The following LRCH2 variants were observed in gnomAD, a reference collection of about 807,000 sequenced individuals.
LRCH2 encodes leucine rich repeats and calponin homology domain containing 2.
LRCH2 carries 38 observed loss-of-function variants against 68.9 expected under a neutral mutation model. The observed-to-expected ratio is 0.55, with a 90% confidence interval of 0.43 to 0.72. The LOEUF is 0.72. LRCH2 is among the 30% of genes least tolerant of loss of function. The pLI, the probability that LRCH2 is intolerant of heterozygous loss-of-function variation, is 0.00. For synonymous variants in LRCH2, 191 were observed against 208.1 expected (o/e 0.92, Z 0.71); for missense variants, 528 against 572.9 (o/e 0.92, Z 0.80).
chrX:115,228,199 G>C (rs887620159), intron 1 of LRCH2, among the ~76,000 whole-genome samples: 4 of 111,453 alleles, frequency 3.6e-5, no homozygotes, highest in African/African-American at 1.3e-4. Flanking sequence ...GGCTTATACA[G>C]TTTTCTTTAA....
chrX:115,214,594 T>C (rs1325928859), intron 1 of LRCH2, among the ~76,000 whole-genome samples: 7 of 111,726 alleles, frequency 6.3e-5, no homozygotes, highest in African/African-American at 2.3e-4. Context: ...CTTGTAGACA[T>C]TGGAAAAAAT....
intron 14 of LRCH2, among the ~76,000 whole-genome samples, chrX:115,137,084 T>C (rs1391870729): frequency 1.1e-4 from 12 of 111,356 alleles, no homozygotes; most frequent in African/African-American, 3.6e-4. Context: ...TTAAAATATA[T>C]AATAAATTAT....
intron 14 of LRCH2, among the ~76,000 whole-genome samples, chrX:115,134,523 C>T (rs1363465658): frequency 8.9e-6 from 1 of 111,896 alleles, no homozygotes; most frequent in Non-Finnish European, 1.9e-5. Context: ...GTTTATTTAA[C>T]GATTCCAAAA....
chrX:115,112,389 A>G lies in LRCH2; in HGVS notation c.*827T>C, dbSNP rs2072049980. The stretch of plus-strand genomic sequence containing the variant: ...AAGATGATTAAGTTTCACAAAATTA[A>G]ATAGCATAAATTAATCATATTAACA... On this transcript the variant is annotated 3_prime_UTR_variant, in exon 21 of 21. Transcript: ENST00000317135. 8.9e-6 allele frequency: 1 copy of G among 112,121 alleles called. No homozygotes were observed. The highest frequency in any genetic ancestry group is 3.2e-5 in the African/African-American group (1 of 30,907). The allele number at this position is 112,121 out of a possible 1,213,427, so 9.2% of individuals were successfully genotyped here. A position where few individuals can be genotyped will look rare whatever the true frequency, so the allele number is the denominator to read the frequency against.
chrX:115,171,682 GT>G (rs1232183924), intron 5 of LRCH2, among the ~76,000 whole-genome samples: 7 of 101,654 alleles, frequency 6.9e-5, no homozygotes, highest in African/African-American at 7.1e-5. Context: ...TTGTTTTTTT[GT>G]TTTTTTTTTG....
intron 14 of LRCH2, among the ~76,000 whole-genome samples, chrX:115,134,688 T>C (rs1463435780): frequency 8.9e-6 from 1 of 112,085 alleles, no homozygotes; most frequent in African/African-American, 3.2e-5. Flanking sequence ...CCTTTCATAA[T>C]ATTACTGCTC....
At chrX:115,196,346 A>C (rs1556563232) in intron 1 of LRCH2, among the ~76,000 whole-genome samples, 4 of 111,349 alleles carry the variant, frequency 3.6e-5, no homozygotes. Context: ...TCAGCACAGC[A>C]GCAGTCACCT....
At chrX:115,153,145 C>CA (rs782365745) in intron 12 of LRCH2, among the ~76,000 whole-genome samples, 822 of 31,255 alleles carry the variant, frequency 0.026, 4 homozygotes, top group East Asian at 0.048. Context: ...CCTGTCTCTA[C>CA]AAAAAAAAAA....
chrX:115,149,076 T>C (rs1259316031), intron 14 of LRCH2, among the ~76,000 whole-genome samples: 2 of 111,686 alleles, frequency 1.8e-5, no homozygotes, highest in Non-Finnish European at 3.8e-5. Context: ...AATTAGGCTT[T>C]GGGAAACATA....
intron 3 of LRCH2, among the ~76,000 whole-genome samples, chrX:115,180,630 T>C (rs2147405767): frequency 9.0e-6 from 1 of 111,431 alleles, no homozygotes; most frequent in South Asian, 3.8e-4. Flanking sequence ...TTTCCAACTT[T>C]TAGTGAAAAT....
rs1378528285 is a variant in LRCH2, at chrX:115,141,423, C to T, written c.1695+8404G>A. On this transcript the variant is annotated intron_variant, in intron 14 of 20. Coordinates refer to ENST00000317135, the MANE Select transcript of LRCH2 (RefSeq NM_020871.4). ...TCCAGAAAGGCAGGAAAACTGGAAG[C>T]GGCCAGGGGACTTCCAGGTCATAGG... 2.7e-5 allele frequency among the ~76,000 whole-genome samples: 3 copies of T among 110,752 alleles called. 1 individual carries two copies. In the Admixed American group the frequency reaches 2.9e-4, roughly 11 times the overall value.
At chrX:115,189,753 C>G in intron 1 of LRCH2, 1 of 1,166,967 alleles carries the variant, frequency 8.6e-7, no homozygotes, top group Non-Finnish European at 1.1e-6. Flanking sequence ...GCGGCAGTCG[C>G]TCAAGGTTCT....
At chrX:115,232,685 G>T (rs781860476) in intron 1 of LRCH2, among the ~76,000 whole-genome samples, 1 of 111,545 alleles carries the variant, frequency 9.0e-6, no homozygotes, top group Non-Finnish European at 1.9e-5. Flanking sequence ...TCAAAATGAC[G>T]ACATCTATTA....
chrX:115,210,942 G>A (rs139043943), intron 1 of LRCH2, among the ~76,000 whole-genome samples: 1 of 111,874 alleles, frequency 8.9e-6, no homozygotes, highest in Non-Finnish European at 1.9e-5. Flanking sequence ...TCTCCCATTT[G>A]GAATGGCTGT....
intron 14 of LRCH2, among the ~76,000 whole-genome samples, chrX:115,140,751 T>C (rs192462695): frequency 4.7e-4 from 53 of 111,815 alleles, no homozygotes; most frequent in Middle Eastern, 9.2e-3. Flanking sequence ...GAGAGGTTCC[T>C]CTACCTGTGG....
intron 1 of LRCH2, among the ~76,000 whole-genome samples, chrX:115,203,913 G>A (rs1257818756): frequency 8.9e-6 from 1 of 112,513 alleles, no homozygotes; most frequent in Non-Finnish European, 1.9e-5. Flanking sequence ...GGGACTCTGT[G>A]TGAGTCTCCA....
At chrX:115,127,485 T>C (rs782477807) in intron 15 of LRCH2, among the ~76,000 whole-genome samples, 1 of 111,989 alleles carries the variant, frequency 8.9e-6, no homozygotes, top group East Asian at 2.8e-4. Flanking sequence ...TCAGACACTA[T>C]GCTAGACAGT....
At position 115,113,363 on chromosome X, in the gene LRCH2, A is replaced by G; in HGVS notation, c.2179-28T>C. The G allele has an allele frequency of 5.4e-6, 6 of 1,114,872 alleles. No individual in the cohort carries two copies. In the South Asian group the frequency reaches 1.2e-4, roughly 21 times the overall value. The allele number at this position is 1,114,872 out of a possible 1,213,427, so 91.9% of individuals were successfully genotyped here. On this transcript the variant is annotated intron_variant, in intron 20 of 20. Coordinates refer to ENST00000317135, the MANE Select transcript of LRCH2 (RefSeq NM_020871.4). ...GGAGAAAAAAAAGAGATATTTGAAC[A>G]TTCATTTTTTAGAAGTGTAATAAAA...
intron 14 of LRCH2, chrX:115,139,232 A>G (rs2072315466): frequency 9.0e-6 from 1 of 111,709 alleles, no homozygotes; most frequent in Non-Finnish European, 1.9e-5. Flanking sequence ...ACTCCCATAT[A>G]AAACGAACAA....
Sources: gnomAD v4.1 joint callset for allele counts (sites outside exome capture counted in the v4.1 genomes callset) on GRCh38, gnomAD v4.1.1 for gene constraint, MANE v1.5 for transcripts, NCBI Gene and HGNC (gene_info 2026-07-23, HGNC 2026-07-21) for gene names.